EVA1C: variants seen among roughly 807,000 people sequenced by gnomAD.
EVA1C encodes the protein eva-1 homolog C, also known as protein eva-1 homolog C.
Under a neutral mutation model 45.4 loss-of-function variants are expected in EVA1C, and 25 were observed. The ratio of observed to expected loss-of-function variants is 0.55; its 90% CI spans 0.40 to 0.77. The LOEUF is 0.77. Among genes scored for constraint, EVA1C ranks in the 30% least tolerant of loss-of-function variants. EVA1C has a pLI of 0.00. For synonymous variants in EVA1C, 190 were observed against 221.2 expected (o/e 0.86, Z 1.25); for missense variants, 479 against 554.8 (o/e 0.86, Z 1.37).
Position 32,442,697 on chromosome 21 carries a change from G to A in EVA1C, c.161-10615G>A, listed in dbSNP as rs142338685. On this transcript the variant is annotated intron_variant, in intron 1 of 7. Transcript: ENST00000300255. Reference sequence around the variant, plus strand: ...AAAAAAAAAGCGGGTGGGAGGGAAGGCAAGGACGTAGCAAATTGAATTCCT... The same window carrying A: ...AAAAAAAAAGCGGGTGGGAGGGAAGACAAGGACGTAGCAAATTGAATTCCT... 6.1e-3 allele frequency among the ~76,000 whole-genome samples: 922 copies of A among 151,092 alleles called. 8 individuals carry two copies. Among genetic ancestry groups the A allele is most frequent in the Middle Eastern group, 0.02 (6 of 294 alleles).
At chr21:32,436,401 T>A (rs2034953363) in intron 1 of EVA1C, among the ~76,000 whole-genome samples, 1 of 151,976 alleles carries the variant, frequency 6.6e-6, no homozygotes, top group Non-Finnish European at 1.5e-5. Flanking sequence ...ACCTATACAA[T>A]CAACCACCAC....
At chr21:32,475,240 A>G (rs1346421800) in intron 4 of EVA1C, among the ~76,000 whole-genome samples, 1 of 152,162 alleles carries the variant, frequency 6.6e-6, no homozygotes, top group Non-Finnish European at 1.5e-5. Context: ...CAGTGTCCAC[A>G]GTGTCTCTCC....
chr21:32,488,631 G>C (rs532027393), intron 4 of EVA1C, among the ~76,000 whole-genome samples: 2 of 151,278 alleles, frequency 1.3e-5, no homozygotes, highest in East Asian at 3.9e-4. Context: ...TGTTGCCCAG[G>C]CTGGAGTGCA....
intron 4 of EVA1C, among the ~76,000 whole-genome samples, chr21:32,490,881 G>A (rs895244252): frequency 6.6e-6 from 1 of 152,246 alleles, no homozygotes; most frequent in Non-Finnish European, 1.5e-5. Flanking sequence ...TAGGCTCCAA[G>A]AGCCAAGGAG....
chr21:32,507,576 GTA>G (rs547600874), intron 7 of EVA1C, among the ~76,000 whole-genome samples: 24 of 151,774 alleles, frequency 1.6e-4, no homozygotes, highest in South Asian at 4.2e-4. Context: ...GTGTGCATGT[GTA>G]TATGTGTGTG....
At chr21:32,434,790 C>G (rs1006013131) in intron 1 of EVA1C, among the ~76,000 whole-genome samples, 3 of 152,250 alleles carry the variant, frequency 2.0e-5, no homozygotes, top group Non-Finnish European at 4.4e-5. Context: ...TCAGATGGAG[C>G]GTGGCCCTGA....
chr21:32,466,176 T>C lies in EVA1C; in HGVS notation c.482-1520T>C, dbSNP rs146947432. On this transcript the variant is annotated intron_variant, in intron 3 of 7. Coordinates refer to ENST00000300255, the MANE Select transcript of EVA1C (RefSeq NM_058187.5). Reference sequence around the variant, plus strand: ...TGGCTCACGCCTGTAATCCCAGCACTTTGGGAGGCTGAAGCGGGTGGATCA... The same window carrying C: ...TGGCTCACGCCTGTAATCCCAGCACCTTGGGAGGCTGAAGCGGGTGGATCA... Among the ~76,000 whole-genome samples, 979 of 152,288 alleles carry C rather than the reference T, an allele frequency of 6.4e-3. 18 individuals carry two copies. Among genetic ancestry groups the C allele is most frequent in the Admixed American group, 0.036 (547 of 15,298 alleles).
Position 32,437,967 on chromosome 21 carries a change from C to T in EVA1C, c.161-15345C>T, listed in dbSNP as rs139454902. 1.7e-3 allele frequency among the ~76,000 whole-genome samples: 262 copies of T among 152,314 alleles called. 2 individuals are homozygous for T. The highest frequency in any genetic ancestry group is 0.015 in the Admixed American group (235 of 15,300). On this transcript the variant is annotated intron_variant, in intron 1 of 7. Coordinates refer to ENST00000300255, the MANE Select transcript of EVA1C (RefSeq NM_058187.5). ...AGCTATCCAAGTGCTACAAATAACA[C>T]CGCACGGCCCCCGGTCTTTCCTGTT...
chr21:32,456,952 C>A (rs917171975), intron 2 of EVA1C, among the ~76,000 whole-genome samples: 2 of 152,132 alleles, frequency 1.3e-5, no homozygotes, highest in Admixed American at 1.3e-4. Context: ...CCTTTACTGC[C>A]AATGCTCAAC....
At chr21:32,417,675 A>T (rs1021098054) in intron 1 of EVA1C, among the ~76,000 whole-genome samples, 1 of 152,198 alleles carries the variant, frequency 6.6e-6, no homozygotes, top group Non-Finnish European at 1.5e-5. Context: ...TGGTAATTCA[A>T]TTGATCCCGG....
chr21:32,465,820 G>T (rs551595650), intron 3 of EVA1C, among the ~76,000 whole-genome samples: 1 of 152,248 alleles, frequency 6.6e-6, no homozygotes, highest in South Asian at 2.1e-4. Flanking sequence ...ATTATTTAAA[G>T]ATATCTTTAT....
At chr21:32,460,254 TCACA>T (rs2035949240) in intron 3 of EVA1C, among the ~76,000 whole-genome samples, 1 of 150,504 alleles carries the variant, frequency 6.6e-6, no homozygotes, top group South Asian at 2.1e-4. Flanking sequence ...CCTGAGATCT[TCACA>T]CAGCTGGTTC....
At chr21:32,470,633 C>T (rs1162376580) in intron 4 of EVA1C, among the ~76,000 whole-genome samples, 1 of 152,210 alleles carries the variant, frequency 6.6e-6, no homozygotes, top group Non-Finnish European at 1.5e-5. Flanking sequence ...CTCCCTCCTC[C>T]TTTCTCCCTG....
chr21:32,457,575 C>T, intron 2 of EVA1C, 22 bp from the exon 3 acceptor site: 1 of 1,613,980 alleles, frequency 6.2e-7, no homozygotes, highest in South Asian at 1.1e-5. Flanking sequence ...AAGCCTGTCC[C>T]TTTTCTACCC....
At chr21:32,475,591 GT>G (rs1306211103) in intron 4 of EVA1C, among the ~76,000 whole-genome samples, 2 of 150,010 alleles carry the variant, frequency 1.3e-5, no homozygotes, top group African/African-American at 2.5e-5. Context: ...TATCATGTGT[GT>G]TTTTCCACGT....
chr21:32,507,748 ATATG>A (rs987686258), intron 7 of EVA1C, among the ~76,000 whole-genome samples: 70 of 106,986 alleles, frequency 6.5e-4, no homozygotes, highest in East Asian at 4.5e-3. Context: ...CTGCATGTGC[ATATG>A]TGTTTGCGTG....
intron 4 of EVA1C, among the ~76,000 whole-genome samples, chr21:32,494,249 A>G (rs1408788306): frequency 6.6e-6 from 1 of 152,248 alleles, no homozygotes; most frequent in East Asian, 1.9e-4. Context: ...TCATTCATTC[A>G]TCAGATATTT....
chr21:32,484,598 C>A (rs1488331988), intron 4 of EVA1C, among the ~76,000 whole-genome samples: 1 of 152,060 alleles, frequency 6.6e-6, no homozygotes, highest in Non-Finnish European at 1.5e-5. Flanking sequence ...ATGCAACTCA[C>A]ATGTGTCACC....
At chr21:32,499,447 A>C (rs754549312) in intron 5 of EVA1C, among the ~76,000 whole-genome samples, 2 of 152,116 alleles carry the variant, frequency 1.3e-5, no homozygotes, top group Non-Finnish European at 2.9e-5. Context: ...CAGCAACTTC[A>C]CCGGGCTTCC....
Sources: allele counts gnomAD v4.1 joint callset (sites outside exome capture counted in the v4.1 genomes callset), GRCh38; gene constraint gnomAD v4.1.1; transcripts MANE v1.5; gene names NCBI Gene and HGNC (gene_info 2026-07-23, HGNC 2026-07-21).